Variants in THSD7A observed in about 807,000 individuals in gnomAD.
The protein encoded by THSD7A is thrombospondin type-1 domain-containing protein 7A.
A neutral mutation model predicts 231.3 loss-of-function variants in THSD7A; 96 were observed. The ratio of observed to expected loss-of-function variants is 0.41; its 90% confidence interval spans 0.35 to 0.49. THSD7A has a LOEUF of 0.49. THSD7A is among the 20% of genes least tolerant of loss of function. THSD7A has a pLI of 0.05. For missense variants in THSD7A, 2,290 were observed against 2,070.2 expected (o/e 1.11, Z -2.06); for synonymous variants, 940 against 743.3 (o/e 1.26, Z -4.30).
chr7:11,708,572 T>G (rs1405325), intron 1 of THSD7A, among the ~76,000 whole-genome samples: 22,243 of 150,596 alleles, frequency 0.15, 1,769 homozygotes, highest in Admixed American at 0.2. Context: ...GGAATTAGGT[T>G]TTCTCTGCTG....
At chr7:11,388,946 T>A (rs1345885767) in intron 23 of THSD7A, among the ~76,000 whole-genome samples, 2 of 152,218 alleles carry the variant, frequency 1.3e-5, no homozygotes, top group African/African-American at 4.8e-5. Flanking sequence ...TGAGTTCTAA[T>A]TGGATTGCAC....
At chr7:11,439,280 C>T (rs1180898080) in intron 13 of THSD7A, among the ~76,000 whole-genome samples, 1 of 151,910 alleles carries the variant, frequency 6.6e-6, no homozygotes, top group Admixed American at 6.6e-5. Context: ...TTTTATTGGG[C>T]TTTGCTTTAT....
At chr7:11,450,904 T>C (rs2128295586) in intron 11 of THSD7A, among the ~76,000 whole-genome samples, 1 of 152,152 alleles carries the variant, frequency 6.6e-6, no homozygotes, top group South Asian at 2.1e-4. Flanking sequence ...AAAATCAAGA[T>C]GATTATTTTA....
chr7:11,831,893 C>T lies in THSD7A; in HGVS notation c.54G>A (p.Pro18=), dbSNP rs1027650190. 1 of 1,246,476 alleles carries T rather than the reference C, an allele frequency of 8.0e-7. No individual in the cohort carries two copies. The highest frequency in any genetic ancestry group is 1.0e-6 in the Non-Finnish European group (1 of 999,910). 77.2% of individuals were successfully genotyped at this position (1,246,476 alleles called of 1,614,324 possible). A position where few individuals can be genotyped will look rare whatever the true frequency, so the allele number is the denominator to read the frequency against. ...GCAGCAGCTGCAGGACGCCCCGGCG[C>T]GGCCCCGCAGCGCCCCGGCTCCCGG... is the stretch of plus-strand genomic sequence containing the variant. ...WASGSRGAAG[P]RRGVLQLLPL... is the part of the protein sequence containing the mutation. The change falls in exon 1 of 28, where the codon CCG becomes CCA. Residue 18 remains proline, a synonymous_variant. Transcript: ENST00000423059. The surrounding 1 kb of genome is among the most constrained non-coding windows in gnomAD (Gnocchi z 5.0).
intron 6 of THSD7A, among the ~76,000 whole-genome samples, chr7:11,488,923 C>T (rs368675112): frequency 2.1e-4 from 32 of 151,718 alleles, no homozygotes; most frequent in Middle Eastern, 3.4e-3. Flanking sequence ...CTCTCGCTGT[C>T]TTCCTTTAGG....
intron 7 of THSD7A, among the ~76,000 whole-genome samples, chr7:11,477,632 G>C (rs1403299956): frequency 2.0e-5 from 3 of 152,148 alleles, no homozygotes. Flanking sequence ...AATGTGGTCA[G>C]TGGGAGAACA....
chr7:11,610,224 G>A (rs1373373408), intron 2 of THSD7A, among the ~76,000 whole-genome samples: 1 of 152,012 alleles, frequency 6.6e-6, no homozygotes, highest in Non-Finnish European at 1.5e-5. Context: ...ATTATATACT[G>A]ACTCTTGTTC....
chr7:11,759,008 C>T (rs1252873392), intron 1 of THSD7A, among the ~76,000 whole-genome samples: 3 of 152,002 alleles, frequency 2.0e-5, no homozygotes, highest in Admixed American at 6.6e-5. Flanking sequence ...CTTTAAATTG[C>T]CCCTTCTGGT....
At chr7:11,578,525 A>G (rs1791017227) in intron 4 of THSD7A, among the ~76,000 whole-genome samples, 1 of 152,224 alleles carries the variant, frequency 6.6e-6, no homozygotes, top group Admixed American at 6.5e-5. Context: ...TGTACTAAAG[A>G]AGTTTAGGGA....
chr7:11,577,916 T>G (rs1463801882), intron 4 of THSD7A, among the ~76,000 whole-genome samples: 4 of 152,186 alleles, frequency 2.6e-5, no homozygotes. Flanking sequence ...GAAGCTGTAA[T>G]TATTCTGACT....
chr7:11,417,577 G>A lies in THSD7A; in HGVS notation c.3410C>T (p.Pro1137Leu). The A allele has an allele frequency of 6.2e-6, 10 of 1,612,406 alleles. No individual in the cohort carries two copies. The highest frequency in any genetic ancestry group is 7.6e-6 in the Non-Finnish European group (9 of 1,179,442). ...VRCMQNTADG[P>L]SEHVEDYLCD... ...GAGGTAATCCTCTACATGTTCAGAA[G>A]GGCCATCTGCTGTATTCTGCATGCA... is the stretch of plus-strand genomic sequence containing the variant. Residue 1137 changes from proline to leucine, a missense_variant, in exon 17 of 28, where the codon CCT becomes CTT. Coordinates refer to ENST00000423059, the MANE Select transcript of THSD7A (RefSeq NM_015204.3).
intron 1 of THSD7A, among the ~76,000 whole-genome samples, chr7:11,659,836 C>T (rs57298572): frequency 0.066 from 9,971 of 151,426 alleles, 390 homozygotes; most frequent in East Asian, 0.14. Flanking sequence ...AATTATAATA[C>T]AAATTTTGCT....
rs529029777 is a variant in THSD7A at position 11,511,612 on chromosome 7, C to A, written c.1823-29630G>T. On this transcript the variant is annotated intron_variant, in intron 6 of 27. Transcript: ENST00000423059. ...TATAGACCAATGGAACAGAACAGAGCCCTCAGAAATAATACCACACATCTA... is the reference window on the plus strand; with the variant it reads ...TATAGACCAATGGAACAGAACAGAGACCTCAGAAATAATACCACACATCTA... Among the ~76,000 whole-genome samples the A allele has an allele frequency of 3.9e-4, 59 of 152,124 alleles. 1 individual carries two copies. The East Asian group carries it at 0.011, about 28-fold the overall frequency.
chr7:11,691,365 CA>C (rs1780225064), intron 1 of THSD7A, among the ~76,000 whole-genome samples: 1 of 151,346 alleles, frequency 6.6e-6, no homozygotes, highest in Non-Finnish European at 1.5e-5. Context: ...GATATCAAAA[CA>C]GAGTACAATA....
At chr7:11,726,966 C>T (rs998359530) in intron 1 of THSD7A, among the ~76,000 whole-genome samples, 15 of 151,948 alleles carry the variant, frequency 9.9e-5, no homozygotes, top group African/African-American at 3.1e-4. Flanking sequence ...GGCAAGGCTG[C>T]TGGAGCTCTG....
chr7:11,424,843 G>A lies in THSD7A; in HGVS notation c.3250-14C>T, dbSNP rs777725451. 6.2e-7 allele frequency: 1 copy of A among 1,613,570 alleles called. No homozygotes were observed. The highest frequency in any genetic ancestry group is 2.2e-5 in the East Asian group (1 of 44,864). ...AACCTCATACACCTGAAACACACAT[G>A]GTTCTCAGCAATCTCAGGGAATCTG... is the stretch of plus-strand genomic sequence containing the variant. On this transcript the variant is annotated splice_polypyrimidine_tract_variant and intron_variant, in intron 15 of 27. Coordinates refer to ENST00000423059, the MANE Select transcript of THSD7A (RefSeq NM_015204.3).
chr7:11,376,774 A>T, intron 26 of THSD7A, 117 bp from the exon 27 acceptor site: 1 of 605,052 alleles, frequency 1.7e-6, no homozygotes, highest in East Asian at 2.9e-5. Context: ...CCCGAAAAGA[A>T]TTATTGCTTC....
chr7:11,452,500 T>A (rs1785176270), intron 11 of THSD7A, among the ~76,000 whole-genome samples: 1 of 152,026 alleles, frequency 6.6e-6, no homozygotes, highest in Non-Finnish European at 1.5e-5. Context: ...CCTAAATAGT[T>A]ACCAATGATC....
chr7:11,700,797 C>G (rs948610584), intron 1 of THSD7A, among the ~76,000 whole-genome samples: 5 of 151,084 alleles, frequency 3.3e-5, no homozygotes, highest in African/African-American at 1.2e-4. Context: ...GTATTCATGA[C>G]CGCTCCACAG....
Sources: gnomAD v4.1 joint callset for allele counts (sites outside exome capture counted in the v4.1 genomes callset) on GRCh38, gnomAD v4.1.1 for gene constraint, Gnocchi (gnomAD v3.1) non-coding constraint, MANE v1.5 for transcripts, NCBI Gene and HGNC (gene_info 2026-07-23, HGNC 2026-07-21) for gene names.